GRM8: variants seen among roughly 807,000 people sequenced by gnomAD.
The protein encoded by GRM8 is glutamate metabotropic receptor 8.
Under a neutral mutation model 87.2 loss-of-function variants are expected in GRM8, and 47 were observed. The observed-to-expected ratio is 0.54, with a 90% confidence interval of 0.43 to 0.69. The LOEUF is 0.69. Ranked by LOEUF, GRM8 falls within the 30% of genes least tolerant of loss-of-function variation. GRM8 has a pLI of 0.00. For synonymous variants in GRM8, 396 were observed against 404.5 expected (o/e 0.98, Z 0.25); for missense variants, 1,019 against 1,139.2 (o/e 0.89, Z 1.52).
intron 3 of GRM8, among the ~76,000 whole-genome samples, chr7:127,102,583 C>T (rs1444614658): frequency 6.6e-6 from 1 of 152,230 alleles, no homozygotes; most frequent in Non-Finnish European, 1.5e-5. Flanking sequence ...TGCCACTGCT[C>T]TGGAGAGTAT....
intron 6 of GRM8, among the ~76,000 whole-genome samples, chr7:126,900,647 C>G: frequency 8.1e-6 from 1 of 122,798 alleles, no homozygotes; most frequent in South Asian, 3.0e-4. Flanking sequence ...GTAGCTGGGA[C>G]TACAGGCGCC....
chr7:126,500,578 C>A (rs950488524), intron 9 of GRM8, among the ~76,000 whole-genome samples: 1 of 151,742 alleles, frequency 6.6e-6, no homozygotes, highest in African/African-American at 2.4e-5. Flanking sequence ...GATCAGAGAT[C>A]AGAACAATAT....
At chr7:126,678,829 G>C (rs905354152) in intron 7 of GRM8, among the ~76,000 whole-genome samples, 2 of 152,126 alleles carry the variant, frequency 1.3e-5, no homozygotes, top group Non-Finnish European at 2.9e-5. Flanking sequence ...CTCCAATTAA[G>C]CACTCGGTCC....
chr7:127,216,667 A>G (rs1467541952), intron 2 of GRM8, among the ~76,000 whole-genome samples: 5 of 152,088 alleles, frequency 3.3e-5, no homozygotes, highest in African/African-American at 1.2e-4. Context: ...TTGTAATCCA[A>G]ACTCTGTGGC....
chr7:126,439,099 G>C lies in GRM8; in HGVS notation c.*20C>G, dbSNP rs767603253. 8.8e-6 allele frequency: 13 copies of C among 1,475,822 alleles called. No homozygotes were observed. In the South Asian group the frequency reaches 1.5e-4, roughly 17 times the overall value. The allele number at this position is 1,475,822 out of a possible 1,614,324, so 91.4% of individuals were successfully genotyped here. On this transcript the variant is annotated 3_prime_UTR_variant, in exon 11 of 11. Coordinates refer to ENST00000339582, the MANE Select transcript of GRM8 (RefSeq NM_000845.3). ...TAAGATCATATACCACATCTCTTCA[G>C]ATTGTGCCATTTCCCTGTTTCAGAT...
At chr7:126,999,510 C>G (rs1345501197) in intron 3 of GRM8, among the ~76,000 whole-genome samples, 1 of 151,548 alleles carries the variant, frequency 6.6e-6, no homozygotes, top group Non-Finnish European at 1.5e-5. Context: ...AACTAATAAC[C>G]AAAATATAGC....
intron 10 of GRM8, among the ~76,000 whole-genome samples, chr7:126,444,983 A>AAAACAAAC (rs138460879): frequency 1.3e-5 from 2 of 150,922 alleles, no homozygotes; most frequent in East Asian, 2.0e-4. Flanking sequence ...CTGTCTCTAC[A>AAAACAAAC]AAACAAACAA....
At chr7:127,155,667 G>T (rs1325091188) in intron 2 of GRM8, among the ~76,000 whole-genome samples, 3 of 152,120 alleles carry the variant, frequency 2.0e-5, no homozygotes, top group Admixed American at 1.3e-4. Flanking sequence ...AGCAAGTTCG[G>T]TTCACAAAAG....
At chr7:126,949,298 G>A (rs1225266827) in intron 3 of GRM8, among the ~76,000 whole-genome samples, 4 of 152,018 alleles carry the variant, frequency 2.6e-5, no homozygotes, top group Non-Finnish European at 4.4e-5. Flanking sequence ...CAGAGACCTC[G>A]AAGACAAAAC....
intron 7 of GRM8, among the ~76,000 whole-genome samples, chr7:126,741,565 C>T (rs1055337210): frequency 3.9e-5 from 6 of 152,060 alleles, no homozygotes; most frequent in African/African-American, 1.4e-4. Flanking sequence ...GGCAGAAGAA[C>T]TGAAATGTCC....
intron 6 of GRM8, among the ~76,000 whole-genome samples, chr7:126,848,763 A>G (rs1349293304): frequency 6.6e-6 from 1 of 152,118 alleles, no homozygotes; most frequent in East Asian, 1.9e-4. Flanking sequence ...CGAGGCTGCC[A>G]TGAATCAAGA....
At chr7:127,109,964 G>A (rs1029251166) in intron 2 of GRM8, among the ~76,000 whole-genome samples, 2 of 152,104 alleles carry the variant, frequency 1.3e-5, no homozygotes, top group Non-Finnish European at 2.9e-5. Flanking sequence ...GCTTCTAGTT[G>A]AGTTTGTCCC....
intron 6 of GRM8, among the ~76,000 whole-genome samples, chr7:126,901,786 G>C (rs1802101000): frequency 6.6e-6 from 1 of 152,054 alleles, no homozygotes; most frequent in Admixed American, 6.6e-5. Context: ...TATATATGTT[G>C]TATGTTTTTG....
intron 7 of GRM8, among the ~76,000 whole-genome samples, chr7:126,735,512 T>TGC (rs1238955145): frequency 6.6e-6 from 1 of 152,060 alleles, no homozygotes; most frequent in African/African-American, 2.4e-5. Context: ...GAACAGCAAT[T>TGC]TGAGAGTAGC....
At chr7:126,454,027 A>G (rs1159692586) in intron 9 of GRM8, among the ~76,000 whole-genome samples, 1 of 151,736 alleles carries the variant, frequency 6.6e-6, no homozygotes, top group Admixed American at 6.6e-5. Flanking sequence ...AATAACAGCA[A>G]TGGGGATGTC....
chr7:127,135,617 CAAAAAAAAAAAAAAAA>C (rs1168682673), intron 2 of GRM8, among the ~76,000 whole-genome samples: 4 of 36,854 alleles, frequency 1.1e-4, no homozygotes, highest in East Asian at 7.6e-4. Flanking sequence ...GACTCCGTCT[CAAAAAAAAAAAAAAAA>C]AAAAAAAAAA....
intron 2 of GRM8, among the ~76,000 whole-genome samples, chr7:127,158,932 T>C (rs1364938125): frequency 6.6e-6 from 1 of 152,180 alleles, no homozygotes; most frequent in Non-Finnish European, 1.5e-5. Context: ...AGAAGGGCCC[T>C]AACTTAAGTT....
At chr7:126,877,358 T>G (rs1183718822) in intron 6 of GRM8, among the ~76,000 whole-genome samples, 1 of 152,220 alleles carries the variant, frequency 6.6e-6, no homozygotes, top group African/African-American at 2.4e-5. Context: ...CGGTTTGAGC[T>G]GGCACTCGTC....
chr7:127,070,570 T>G (rs1168810694), intron 3 of GRM8, among the ~76,000 whole-genome samples: 1 of 152,002 alleles, frequency 6.6e-6, no homozygotes, highest in Non-Finnish European at 1.5e-5. Context: ...CCATAAACCA[T>G]GATGTGTCCC....
Sources: gnomAD v4.1 joint callset for allele counts (sites outside exome capture counted in the v4.1 genomes callset) on GRCh38, gnomAD v4.1.1 for gene constraint, MANE v1.5 for transcripts, NCBI Gene and HGNC (gene_info 2026-07-23, HGNC 2026-07-21) for gene names.